RSF1: variants seen among roughly 807,000 people sequenced by gnomAD.
RSF1 encodes the protein remodeling and spacing factor 1, also known as HBV pX-associated protein 8.
A neutral mutation model predicts 145.2 loss-of-function variants in RSF1; 13 were observed. That is an observed-to-expected ratio of 0.09 (90% CI 0.06 to 0.14). RSF1 has a LOEUF of 0.14. RSF1 is among the 10% of genes least tolerant of loss of function. RSF1 has a pLI of 1.00. For missense variants in RSF1, 1,517 were observed against 1,718.2 expected (o/e 0.88, Z 2.07); for synonymous variants, 577 against 592.6 (o/e 0.97, Z 0.38).
intron 2 of RSF1, among the ~76,000 whole-genome samples, chr11:77,750,426 A>C (rs539784255): frequency 2.2e-4 from 33 of 152,352 alleles, no homozygotes; most frequent in African/African-American, 6.7e-4. Flanking sequence ...ATGGATAATG[A>C]AATTTGAATT....
chr11:77,798,093 G>C (rs1358244157), intron 1 of RSF1, among the ~76,000 whole-genome samples: 2 of 152,246 alleles, frequency 1.3e-5, no homozygotes, highest in African/African-American at 2.4e-5. Context: ...GTGGAAGACA[G>C]TGTGGCGATT....
In RSF1 at chr11:77,666,819, G is replaced by A; in HGVS notation, c.*98C>T. ...TTTTTCTTCTAAAAGTCATTCTGTA[G>A]TGGAGTTTTCTAGGAAAAATTAAAC... On this transcript the variant is annotated 3_prime_UTR_variant, in exon 16 of 16. Transcript: ENST00000308488. The A allele has an allele frequency of 1.0e-6, 1 of 1,000,252 alleles. No homozygotes were observed. The highest frequency in any genetic ancestry group is 1.4e-6 in the Non-Finnish European group (1 of 698,178). The allele number at this position is 1,000,252 out of a possible 1,614,324, so 62.0% of individuals were successfully genotyped here. A position where few individuals can be genotyped will look rare whatever the true frequency, so the allele number is the denominator to read the frequency against.
intron 5 of RSF1, among the ~76,000 whole-genome samples, chr11:77,712,995 A>G (rs1960722929): frequency 6.6e-6 from 1 of 152,082 alleles, no homozygotes; most frequent in Non-Finnish European, 1.5e-5. Context: ...TGTTCTTGAG[A>G]TCAATCTCTT....
At chr11:77,871,106 A>G in the RSF1 span, among the ~76,000 whole-genome samples, 1 of 152,184 alleles carries the variant, frequency 6.6e-6, no homozygotes, top group Non-Finnish European at 1.5e-5. Context: ...TGCCCAGCCT[A>G]TTTATATTTT....
At chr11:77,816,349 T>C (rs1007991456) in intron 1 of RSF1, among the ~76,000 whole-genome samples, 1 of 152,206 alleles carries the variant, frequency 6.6e-6, no homozygotes, top group African/African-American at 2.4e-5. Context: ...TAAAAATATA[T>C]TGTTACACAC....
At chr11:77,734,993 T>G in intron 4 of RSF1, 1 of 1,596,220 alleles carries the variant, frequency 6.3e-7, no homozygotes, top group Non-Finnish European at 8.5e-7. Context: ...TGGTGGTAGT[T>G]CTGGCGCACC....
chr11:77,804,162 G>C (rs1038420708), intron 1 of RSF1, among the ~76,000 whole-genome samples: 2 of 152,212 alleles, frequency 1.3e-5, no homozygotes, highest in African/African-American at 4.8e-5. Context: ...ATTCTACAGG[G>C]AGAGTGCACA....
upstream of RSF1, among the ~76,000 whole-genome samples, chr11:77,825,766 A>G (rs960639000): frequency 1.3e-5 from 2 of 150,362 alleles, no homozygotes; most frequent in Admixed American, 6.7e-5. Flanking sequence ...ATCTAGGCTC[A>G]CTGCAACCTC....
Position 77,701,368 on chromosome 11 carries a change from C to G in RSF1, c.1861G>C (p.Gly621Arg). The change falls in exon 6 of 16, where the codon GGC becomes CGC. Residue 621 changes from glycine (G) to arginine (R), a missense_variant. Physicochemically the swap from Gly to Arg is moderately radical, Grantham distance 125. Around this residue, in one of 12 missense-constraint regions of RSF1, gnomAD observed 579 missense variants for 553.5 expected, o/e 1.05. Coordinates refer to ENST00000308488, the MANE Select transcript of RSF1 (RefSeq NM_016578.4). ...GAAGTTTCAGCTGCCTCAGGAGAGC[C>G]AGGCTTTTCTGACTCTAGAGTACTC... is the stretch of plus-strand genomic sequence containing the variant. ...PKSTLESEKP[G>R]SPEAAETSPP... 1 of 1,614,000 alleles carries G rather than the reference C, an allele frequency of 6.2e-7. No homozygotes were observed.
At chr11:77,773,795 A>G (rs2135947822) in intron 1 of RSF1, among the ~76,000 whole-genome samples, 1 of 152,334 alleles carries the variant, frequency 6.6e-6, no homozygotes, top group Non-Finnish European at 1.5e-5. Context: ...GAATAGGAAA[A>G]ATTATCTTGT....
intron 1 of RSF1, among the ~76,000 whole-genome samples, chr11:77,774,875 T>C (rs1364565474): frequency 6.6e-6 from 1 of 150,446 alleles, no homozygotes; most frequent in Non-Finnish European, 1.5e-5. Flanking sequence ...CCAGTGATTC[T>C]CCTGCCTCAG....
intron 9 of RSF1, among the ~76,000 whole-genome samples, chr11:77,686,421 A>AAAAAAAAAAAAAAAAAAAAAAC (rs1960008125): frequency 1.3e-5 from 2 of 149,384 alleles, no homozygotes; most frequent in Non-Finnish European, 3.0e-5. Context: ...AAAAAAAAAA[A>AAAAAAAAAAAAAAAAAAAAAAC]AAAAAAAGCA....
chr11:77,719,359 C>T (rs1160119869), intron 5 of RSF1, among the ~76,000 whole-genome samples: 4 of 152,034 alleles, frequency 2.6e-5, no homozygotes, highest in Non-Finnish European at 4.4e-5. Flanking sequence ...GACATGAATA[C>T]AATAAATATC....
chr11:77,698,656 C>T lies in RSF1; in HGVS notation c.2546G>A (p.Arg849Gln), dbSNP rs1306143162. ...PKGKVRWTGS[R>Q]TRGRWKYSSN... ...GGAATATTTCCATCTGCCACGTGTC[C>T]GAGAACCAGTCCATCGAACTTTGCC... The change falls in exon 7 of 16, where the codon CGG (arginine) becomes CAG (glutamine). Residue 849 changes from arginine (R) to glutamine (Q), a missense_variant. Arg to Gln is a conservative substitution (Grantham distance 43, BLOSUM62 1). Coordinates refer to ENST00000308488, the MANE Select transcript of RSF1 (RefSeq NM_016578.4). 5.0e-6 allele frequency: 8 copies of T among 1,613,828 alleles called. No individual in the cohort carries two copies. Among genetic ancestry groups the T allele is most frequent in the African/African-American group, 2.7e-5 (2 of 74,840 alleles).
At chr11:77,821,894 A>T (rs1948922858), upstream of RSF1, among the ~76,000 whole-genome samples, 1 of 152,094 alleles carries the variant, frequency 6.6e-6, no homozygotes, top group Non-Finnish European at 1.5e-5. Context: ...GACACTGTGG[A>T]GGTTTCTTTA....
chr11:77,816,210 T>A (rs1267100127), intron 1 of RSF1, among the ~76,000 whole-genome samples: 1 of 152,260 alleles, frequency 6.6e-6, no homozygotes, highest in Non-Finnish European at 1.5e-5. Flanking sequence ...AATGTATGTA[T>A]GCCCTACCAG....
intron 15 of RSF1, 82 bp downstream of exon 15, chr11:77,671,960 A>T: frequency 7.9e-7 from 1 of 1,272,682 alleles, no homozygotes; most frequent in African/African-American, 1.5e-5. Context: ...AAAGAATGGT[A>T]CAGAATCACA....
At chr11:77,856,066 T>C in the RSF1 span, among the ~76,000 whole-genome samples, 2 of 152,212 alleles carry the variant, frequency 1.3e-5, no homozygotes, top group South Asian at 4.2e-4. Flanking sequence ...TGCAGTGAGC[T>C]GAGATTGCCC....
intron 1 of RSF1, among the ~76,000 whole-genome samples, chr11:77,786,947 G>A (rs1948462670): frequency 6.6e-6 from 1 of 152,142 alleles, no homozygotes. Context: ...GGGTAAAGAG[G>A]CAAACAGGGA....
Sources: gnomAD v4.1 joint callset for allele counts (sites outside exome capture counted in the v4.1 genomes callset) on GRCh38, gnomAD v4.1.1 for gene constraint, gnomAD v4.1.1 regional missense constraint, MANE v1.5 for transcripts, NCBI Gene and HGNC (gene_info 2026-07-23, HGNC 2026-07-21) for gene names.